NELL2: variants seen among roughly 807,000 people sequenced by gnomAD.
The protein encoded by NELL2 is neural EGFL like 2.
A neutral mutation model predicts 109.6 loss-of-function variants in NELL2; 41 were observed. The observed-to-expected ratio is 0.37, with a 90% CI of 0.29 to 0.49. NELL2 has a LOEUF of 0.49. Ranked by LOEUF, NELL2 falls within the 20% of genes least tolerant of loss-of-function variation. The pLI is 0.98. For missense variants in NELL2, 900 were observed against 1,008.3 expected (o/e 0.89, Z 1.45); for synonymous variants, 355 against 344.7 (o/e 1.03, Z -0.33).
In NELL2 at chr12:44,854,716, GTGGA is replaced by G. The variant is rs1205431184; in HGVS notation, c.184+20505_184+20508del. Reference sequence around the variant, plus strand: ...GATGGGTGGATGGATGGGTGGGTGGGTGGATGGATGGATGGATGGATGGATGGGT... The same window carrying G: ...GATGGGTGGATGGATGGGTGGGTGGGTGGATGGATGGATGGATGGATGGGT... On this transcript the variant is annotated intron_variant, in intron 2 of 19. Coordinates refer to ENST00000429094, the MANE Select transcript of NELL2 (RefSeq NM_001145108.2). Among the ~76,000 whole-genome samples, 1,173 of 146,988 alleles carry G rather than the reference GTGGA, an allele frequency of 8.0e-3. 12 individuals are homozygous for G. Among genetic ancestry groups the G allele is most frequent in the African/African-American group, 0.024 (969 of 39,912 alleles).
intron 15 of NELL2, among the ~76,000 whole-genome samples, chr12:44,537,427 A>G (rs1942343747): frequency 6.6e-6 from 1 of 152,078 alleles, no homozygotes; most frequent in South Asian, 2.1e-4. Context: ...CTGCTCTTAT[A>G]TTGGATAAAA....
intron 12 of NELL2, 128 bp downstream of exon 12, chr12:44,703,598 A>G: frequency 1.1e-6 from 1 of 947,506 alleles, no homozygotes; most frequent in Non-Finnish European, 1.6e-6. Flanking sequence ...GCTGATTAAT[A>G]TGCTTCAAAT....
At chr12:44,520,262 G>C in intron 18 of NELL2, 33 bp from the exon 19 acceptor site, 1 of 1,553,496 alleles carries the variant, frequency 6.4e-7, no homozygotes. Context: ...AGGGCAGAGG[G>C]AGAGGGAGGA....
intron 19 of NELL2, among the ~76,000 whole-genome samples, chr12:44,514,408 A>C (rs1941153283): frequency 6.6e-6 from 1 of 152,020 alleles, no homozygotes; most frequent in East Asian, 1.9e-4. Flanking sequence ...CCTGTGGTCA[A>C]CCATGGCCCA....
At chr12:44,681,289 T>A (rs1467676986) in intron 12 of NELL2, among the ~76,000 whole-genome samples, 1 of 150,364 alleles carries the variant, frequency 6.7e-6, no homozygotes, top group African/African-American at 2.4e-5. Flanking sequence ...GTTTTTTTTT[T>A]AACGTTGAAA....
At chr12:44,798,686 A>C (rs1438525470) in intron 3 of NELL2, among the ~76,000 whole-genome samples, 1 of 152,172 alleles carries the variant, frequency 6.6e-6, no homozygotes, top group Non-Finnish European at 1.5e-5. Context: ...TGAAAAAAGC[A>C]AAATTTGGAG....
chr12:44,868,134 A>T (rs2136826091), intron 2 of NELL2, among the ~76,000 whole-genome samples: 1 of 151,586 alleles, frequency 6.6e-6, no homozygotes, highest in East Asian at 1.9e-4. Flanking sequence ...AAAAAAAAAA[A>T]AAAAAAAAAT....
chr12:44,514,827 TAA>T (rs1044459698), intron 19 of NELL2, among the ~76,000 whole-genome samples: 26 of 151,430 alleles, frequency 1.7e-4, no homozygotes, highest in African/African-American at 5.8e-4. Flanking sequence ...AACAGAGTTG[TAA>T]AATATATTAC....
chr12:44,789,991 A>G (rs1370085996), intron 3 of NELL2, among the ~76,000 whole-genome samples: 1 of 152,118 alleles, frequency 6.6e-6, no homozygotes, highest in Non-Finnish European at 1.5e-5. Flanking sequence ...AAATGACCAA[A>G]CCTAAGAATA....
intron 9 of NELL2, among the ~76,000 whole-genome samples, chr12:44,731,777 T>A (rs1359351242): frequency 2.0e-5 from 3 of 152,014 alleles, no homozygotes; most frequent in Non-Finnish European, 4.4e-5. Context: ...ATAAAAGGCA[T>A]CCAAATTAGA....
At chr12:44,731,313 G>A (rs1035413343) in intron 9 of NELL2, among the ~76,000 whole-genome samples, 10 of 152,052 alleles carry the variant, frequency 6.6e-5, no homozygotes, top group African/African-American at 2.4e-4. Flanking sequence ...CTACAAGCCA[G>A]TATCCCAGAG....
chr12:44,791,154 C>CAT (rs1942404070), intron 3 of NELL2, among the ~76,000 whole-genome samples: 8 of 98,448 alleles, frequency 8.1e-5, no homozygotes, highest in African/African-American at 3.3e-4. Flanking sequence ...CACACATACA[C>CAT]ACACACACAC....
At chr12:44,605,602 C>T (rs1197839072) in intron 15 of NELL2, among the ~76,000 whole-genome samples, 2 of 152,154 alleles carry the variant, frequency 1.3e-5, no homozygotes, top group Admixed American at 6.5e-5. Flanking sequence ...TTTCTACAAT[C>T]TTGTGATATT....
At chr12:44,845,742 C>A (rs964097417) in intron 2 of NELL2, among the ~76,000 whole-genome samples, 1 of 152,094 alleles carries the variant, frequency 6.6e-6, no homozygotes, top group East Asian at 1.9e-4. Context: ...CATGCACATA[C>A]ACACACACAG....
intron 13 of NELL2, among the ~76,000 whole-genome samples, chr12:44,622,517 A>G (rs891966083): frequency 3.3e-5 from 5 of 152,182 alleles, no homozygotes; most frequent in Non-Finnish European, 5.9e-5. Context: ...AAGATTAAAG[A>G]GTACACTCAA....
intron 1 of NELL2, among the ~76,000 whole-genome samples, chr12:44,892,516 G>C (rs1706941427): frequency 6.6e-6 from 1 of 151,998 alleles, no homozygotes; most frequent in East Asian, 1.9e-4. Context: ...AAGAAACCAG[G>C]GCTGGGCGCA....
intron 15 of NELL2, among the ~76,000 whole-genome samples, chr12:44,553,723 C>T (rs1046635556): frequency 2.0e-5 from 3 of 151,942 alleles, no homozygotes; most frequent in Non-Finnish European, 4.4e-5. Context: ...TATATATCAA[C>T]GAAACAAAGA....
chr12:44,730,465 G>A (rs774524465), intron 9 of NELL2, among the ~76,000 whole-genome samples: 1 of 152,096 alleles, frequency 6.6e-6, no homozygotes, highest in Non-Finnish European at 1.5e-5. Flanking sequence ...ATGAAACTAG[G>A]AGTCAGTAGC....
intron 3 of NELL2, among the ~76,000 whole-genome samples, chr12:44,810,062 T>C (rs1198691277): frequency 6.6e-6 from 1 of 152,080 alleles, no homozygotes; most frequent in Non-Finnish European, 1.5e-5. Flanking sequence ...TGCATCAATA[T>C]AGCAATTTGA....
Sources: gnomAD v4.1 joint callset for allele counts (sites outside exome capture counted in the v4.1 genomes callset) on GRCh38, gnomAD v4.1.1 for gene constraint, MANE v1.5 for transcripts, NCBI Gene and HGNC (gene_info 2026-07-23, HGNC 2026-07-21) for gene names.